CERK: variants seen among roughly 807,000 people sequenced by gnomAD.
CERK encodes the protein acylsphingosine kinase.
CERK carries 39 observed loss-of-function variants against 63.4 expected under a neutral mutation model. The ratio of observed to expected loss-of-function variants is 0.61; its 90% CI spans 0.48 to 0.80. The LOEUF (loss-of-function observed/expected upper bound fraction) is 0.80, where lower values mean the gene tolerates loss of function less well. Among genes scored for constraint, CERK ranks in the 30% least tolerant of loss-of-function variants. CERK has a pLI of 0.00. For synonymous variants in CERK, 302 were observed against 280.0 expected (o/e 1.08, Z -0.78); for missense variants, 670 against 714.1 (o/e 0.94, Z 0.70).
chr22:46,717,070 T>C lies in CERK; in HGVS notation c.379+3016A>G, dbSNP rs188819198. 3.5e-4 allele frequency among the ~76,000 whole-genome samples: 54 copies of C among 152,298 alleles called. No homozygotes were observed. In the East Asian group the frequency reaches 9.4e-3, roughly 27 times the overall value. ...TCTGAATGGCCCATGAACATATGAA[T>C]GTGTTTCTCAACCTCATTAACCATT... On this transcript the variant is annotated intron_variant, in intron 3 of 12. Transcript: ENST00000216264.
chr22:46,734,167 T>C (rs1458303630), intron 1 of CERK, among the ~76,000 whole-genome samples: 2 of 151,864 alleles, frequency 1.3e-5, no homozygotes, highest in Non-Finnish European at 2.9e-5. Flanking sequence ...AGGGTCAGGG[T>C]GTCTTTATCC....
intron 1 of CERK, among the ~76,000 whole-genome samples, chr22:46,726,821 T>C (rs1220527538): frequency 2.0e-5 from 3 of 151,360 alleles, no homozygotes; most frequent in Non-Finnish European, 4.4e-5. Context: ...ATGGGTCTGA[T>C]ACACAGATGG....
Position 46,684,740 on chromosome 22 carries a change from A to G in CERK, c.*2394T>C, listed in dbSNP as rs2082690338. The G allele has an allele frequency of 6.6e-6, 1 of 152,170 alleles. No individual in the cohort carries two copies. Among genetic ancestry groups the G allele is most frequent in the Non-Finnish European group, 1.5e-5 (1 of 68,026 alleles). The allele number at this position is 152,170 out of a possible 1,614,324, so 9.4% of individuals were successfully genotyped here. A position where few individuals can be genotyped will look rare whatever the true frequency, so the allele number is the denominator to read the frequency against. Reference sequence around the variant, plus strand: ...TTTTTCCCTTAAAACTCTAAAGTACAGGTGTTGTATGTCTGCCGCATCTGA... The same window carrying G: ...TTTTTCCCTTAAAACTCTAAAGTACGGGTGTTGTATGTCTGCCGCATCTGA... On this transcript the variant is annotated 3_prime_UTR_variant, in exon 13 of 13. Transcript: ENST00000216264.
intron 6 of CERK, 44 bp downstream of exon 6, chr22:46,707,799 G>A (rs1446845152): frequency 6.4e-7 from 1 of 1,569,552 alleles, no homozygotes; most frequent in Non-Finnish European, 8.7e-7. Context: ...CAATTCCTAA[G>A]GACGGGAACG....
chr22:46,699,926 T>C (rs1287922801), intron 7 of CERK, among the ~76,000 whole-genome samples: 1 of 152,176 alleles, frequency 6.6e-6, no homozygotes, highest in Non-Finnish European at 1.5e-5. Flanking sequence ...TTGTCTCTAC[T>C]AAACATATAA....
intron 1 of CERK, 137 bp from the exon 2 acceptor site, chr22:46,721,152 C>T: frequency 4.8e-6 from 3 of 625,540 alleles, no homozygotes; most frequent in Middle Eastern, 2.8e-4. Context: ...GTGGTGTGCA[C>T]CTGTAATCCC....
Position 46,695,233 on chromosome 22 carries a change from C to T in CERK, c.1026G>A (p.Arg342=). 4 of 1,602,266 alleles carry T rather than the reference C, an allele frequency of 2.5e-6. No homozygotes were observed. The highest frequency in any genetic ancestry group is 2.6e-6 in the Non-Finnish European group (3 of 1,170,012). Residue 342 remains arginine (R), a synonymous_variant, in exon 9 of 13, where the codon AGG becomes AGA. Transcript: ENST00000216264. ...LPAQHTVGSP[R]DRKPCRAGCF... ...ACCCTGCCCGGCAGGGCTTCCTATCCCTTGGAGATCCCACCGTGTGTTGTG... is the reference window on the plus strand; with the variant it reads ...ACCCTGCCCGGCAGGGCTTCCTATCTCTTGGAGATCCCACCGTGTGTTGTG...
intron 2 of CERK, 40 bp from the exon 3 acceptor site, chr22:46,720,248 A>G: frequency 6.3e-7 from 1 of 1,583,826 alleles, no homozygotes; most frequent in South Asian, 1.1e-5. Flanking sequence ...CAAAGTTTGC[A>G]GGGTCACTGA....
chr22:46,695,730 A>C lies in CERK; in HGVS notation c.944-415T>G, dbSNP rs372158188. On this transcript the variant is annotated intron_variant, in intron 8 of 12. Transcript: ENST00000216264. ...CCACCTGCCTCAGGGCTTGGCCCCC[A>C]CTGGGGTCAGCCACAGCCCCTGTGA... Among the ~76,000 whole-genome samples, 26 of 152,258 alleles carry C rather than the reference A, an allele frequency of 1.7e-4. 1 individual carries two copies. In the East Asian group the frequency reaches 4.8e-3, roughly 28 times the overall value.
chr22:46,687,183 A>G lies in CERK; in HGVS notation c.1565T>C (p.Leu522Pro). ...EVRVHCQLVR[L>P]FARGIEENPK... ...ATTCTCTTCAATTCCTCGTGCAAAG[A>G]GTCGAACCAGCTGGCAGTGGACTCT... Residue 522 changes from leucine to proline, a missense_variant, in exon 13 of 13, where the codon CTC (leucine) becomes CCC (proline). By Grantham distance (98) the Leu-to-Pro change is moderately conservative. Transcript: ENST00000216264. The G allele has an allele frequency of 6.2e-7, 1 of 1,614,142 alleles. No homozygotes were observed. The highest frequency in any genetic ancestry group is 8.5e-7 in the Non-Finnish European group (1 of 1,180,030).
At chr22:46,722,230 T>C (rs749789651) in intron 1 of CERK, among the ~76,000 whole-genome samples, 1 of 152,208 alleles carries the variant, frequency 6.6e-6, no homozygotes, top group African/African-American at 2.4e-5. Context: ...ATAACATTTG[T>C]GGTAATTTTG....
At chr22:46,705,076 G>C (rs1205951992) in intron 6 of CERK, among the ~76,000 whole-genome samples, 1 of 152,250 alleles carries the variant, frequency 6.6e-6, no homozygotes, top group Non-Finnish European at 1.5e-5. Flanking sequence ...GGCTGTGCCA[G>C]GCTTGGGGAA....
chr22:46,707,946 C>A lies in CERK; in HGVS notation c.612G>T (p.Leu204=). Residue 204 remains leucine, a synonymous_variant, in exon 6 of 13, where the codon CTG becomes CTT. Transcript: ENST00000216264. Reference sequence around the variant, plus strand: ...TCTGCGTCCTCCCAATCAGACCGTGCAGCACCTCGCTGAACATACCATCTC... The same window carrying A: ...TCTGCGTCCTCCCAATCAGACCGTGAAGCACCTCGCTGAACATACCATCTC... ...VGGDGMFSEV[L]HGLIGRTQRS... The A allele has an allele frequency of 6.2e-7, 1 of 1,613,620 alleles. No individual in the cohort carries two copies. Among genetic ancestry groups the A allele is most frequent in the Admixed American group, 1.7e-5 (1 of 60,020 alleles).
chr22:46,717,762 C>T (rs2146577145), intron 3 of CERK, among the ~76,000 whole-genome samples: 1 of 152,320 alleles, frequency 6.6e-6, no homozygotes, highest in South Asian at 2.1e-4. Context: ...GAAAATTCAC[C>T]CAGTGCACAC....
intron 3 of CERK, among the ~76,000 whole-genome samples, chr22:46,716,266 C>T (rs2082865803): frequency 6.6e-6 from 1 of 151,238 alleles, no homozygotes; most frequent in South Asian, 2.1e-4. Flanking sequence ...TCTCGACTCA[C>T]TGCAACCTCC....
chr22:46,686,034 G>A lies in CERK; in HGVS notation c.*1100C>T, dbSNP rs1427220444. 1 of 152,218 alleles carries A rather than the reference G, an allele frequency of 6.6e-6. No individual in the cohort carries two copies. Among genetic ancestry groups the A allele is most frequent in the East Asian group, 1.9e-4 (1 of 5,194 alleles). 9.4% of individuals were successfully genotyped at this position (152,218 alleles called of 1,614,324 possible). On this transcript the variant is annotated 3_prime_UTR_variant, in exon 13 of 13. Coordinates refer to ENST00000216264, the MANE Select transcript of CERK (RefSeq NM_022766.6). ...AGTACACAATTGAGGGGTGCCCCGGGGAGCGCGGCAGGAATGCCTTCCGGG... is the reference window on the plus strand; with the variant it reads ...AGTACACAATTGAGGGGTGCCCCGGAGAGCGCGGCAGGAATGCCTTCCGGG...
chr22:46,727,900 G>A (rs1160500117), intron 1 of CERK, among the ~76,000 whole-genome samples: 2 of 151,854 alleles, frequency 1.3e-5, no homozygotes, highest in Non-Finnish European at 2.9e-5. Context: ...CAGGAGGCCT[G>A]GACCTGAGGA....
At chr22:46,708,386 C>T (rs775459948) in intron 5 of CERK, among the ~76,000 whole-genome samples, 16 of 152,220 alleles carry the variant, frequency 1.1e-4, no homozygotes, top group Non-Finnish European at 2.4e-4. Flanking sequence ...ACCCGCACTG[C>T]GGGAGAGGCA....
intron 6 of CERK, among the ~76,000 whole-genome samples, chr22:46,703,712 G>A (rs763764866): frequency 1.6e-4 from 25 of 152,018 alleles, no homozygotes; most frequent in Admixed American, 3.9e-4. Context: ...CGTTCTCACC[G>A]GGGCCCACAT....
Sources: allele counts gnomAD v4.1 joint callset (sites outside exome capture counted in the v4.1 genomes callset), GRCh38; gene constraint gnomAD v4.1.1; transcripts MANE v1.5; gene names NCBI Gene and HGNC (gene_info 2026-07-23, HGNC 2026-07-21).